Variants in RXRB observed in about 807,000 individuals in gnomAD.
RXRB encodes the protein retinoid X receptor beta, also known as retinoic acid receptor RXR-beta.
A neutral mutation model predicts 52.5 loss-of-function variants in RXRB; 18 were observed. The ratio of observed to expected loss-of-function variants is 0.34; its 90% confidence interval spans 0.24 to 0.51. The LOEUF (loss-of-function observed/expected upper bound fraction) is 0.51. RXRB is among the 20% of genes least tolerant of loss of function. The pLI is 0.97. For missense variants in RXRB, 455 were observed against 698.2 expected, an observed-to-expected ratio of 0.65 and a Z score of 3.92; for synonymous variants, 233 against 267.1, an observed-to-expected ratio of 0.87 and a Z score of 1.25.
rs761447385 is a variant in RXRB at position 33,199,164 on chromosome 6, C to G, written c.483+5G>C. Reference sequence around the variant, plus strand: ...CCAGGCAGTAAGTTGGTCACAACCTCTCACCTGGGGGCTGCTGACAGGCCC... The same window carrying G: ...CCAGGCAGTAAGTTGGTCACAACCTGTCACCTGGGGGCTGCTGACAGGCCC... On this transcript the variant is annotated splice_donor_5th_base_variant and intron_variant, in intron 2 of 9. Coordinates refer to ENST00000374680, the MANE Select transcript of RXRB (RefSeq NM_021976.5). 2 of 1,298,284 alleles carry G rather than the reference C, an allele frequency of 1.5e-6. No homozygotes were observed. The highest frequency in any genetic ancestry group is 9.8e-7 in the Non-Finnish European group (1 of 1,017,380). 80.4% of individuals were successfully genotyped at this position (1,298,284 alleles called of 1,614,324 possible). A position where few individuals can be genotyped will look rare whatever the true frequency, so the allele number is the denominator to read the frequency against.
chr6:33,195,555 C>T lies in RXRB; in HGVS notation c.1256+15G>A. The T allele has an allele frequency of 1.9e-6, 3 of 1,613,100 alleles. No individual in the cohort carries two copies. Among genetic ancestry groups the T allele is most frequent in the Non-Finnish European group, 2.5e-6 (3 of 1,180,036 alleles). The stretch of plus-strand genomic sequence containing the variant: ...CCCCTCTATCTACATGCCAGCCTAG[C>T]CGAGGGCCACTGACCGATCAAAGAT... On this transcript the variant is annotated intron_variant, in intron 7 of 9. Coordinates refer to ENST00000374680, the MANE Select transcript of RXRB (RefSeq NM_021976.5). This position sits in a 1 kb window ranked among gnomAD's most constrained non-coding sequence, Gnocchi z 8.6.
At position 33,200,291 on chromosome 6, in the gene RXRB, C is replaced by T. The variant is rs774079786; in HGVS notation, c.186G>A (p.Glu62=). 4.4e-6 allele frequency: 7 copies of T among 1,604,854 alleles called. No individual in the cohort carries two copies. The highest frequency in any genetic ancestry group is 2.2e-5 in the East Asian group (1 of 44,670). Reference sequence around the variant, plus strand: ...CCCGTCCAGCCTCCCCTGGCTCCGGCTCCGGGGTTTGTTGTTCTCCGCCTG... The same window carrying T: ...CCCGTCCAGCCTCCCCTGGCTCCGGTTCCGGGGTTTGTTGTTCTCCGCCTG... The part of the protein sequence containing the change: ...AVAGGEQQTP[E]PEPGEAGRDG... The change falls in exon 1 of 10, where the codon GAG becomes GAA. Residue 62 remains glutamate, a synonymous_variant. Transcript: ENST00000374680. This position sits in a 1 kb window ranked among gnomAD's most constrained non-coding sequence, Gnocchi z 6.3.
intron 2 of RXRB, 141 bp downstream of exon 2, chr6:33,199,020 GCAAGGGGT>G (rs1266095099): frequency 2.1e-6 from 1 of 474,894 alleles, no homozygotes; most frequent in Non-Finnish European, 3.6e-6. Flanking sequence ...CTCAGGAAAG[GCAAGGGGT>G]CTCATAAAGA....
Position 33,195,393 on chromosome 6 carries a change from A to T in RXRB, c.1318T>A (p.Cys440Ser). Residue 440 changes from cysteine (C) to serine (S), a missense_variant, in exon 8 of 10, where the codon TGC becomes AGC. This residue lies in a region of RXRB where 115 missense variants were observed against 253.1 expected (regional missense o/e 0.45). Transcript: ENST00000374680. This position sits in a 1 kb window ranked among gnomAD's most constrained non-coding sequence, Gnocchi z 8.6. ...TTAAACAGAATGATTGCCCTCAGGC[A>T]GCCAAGCTCTGTCTTGTCCATCCTC... ...DMRMDKTELGCLRAIILFNPD... is the reference protein window; with the variant it reads ...DMRMDKTELGSLRAIILFNPD... 1 of 1,612,392 alleles carries T rather than the reference A, an allele frequency of 6.2e-7. No homozygotes were observed. Among genetic ancestry groups the T allele is most frequent in the Non-Finnish European group, 8.5e-7 (1 of 1,179,376 alleles).
rs1773965503 is a variant in RXRB, at chr6:33,197,094, C to T, written c.821-488G>A. On this transcript the variant is annotated intron_variant, in intron 4 of 9. Transcript: ENST00000374680. This position sits in a 1 kb window ranked among gnomAD's most constrained non-coding sequence, Gnocchi z 4.4. ...GTCATACAACTGACTCTAAGTGTGT[C>T]TGAGTGCAAATCTTGTGCTCTTCTG... Among the ~76,000 whole-genome samples the T allele has an allele frequency of 6.6e-6, 1 of 152,170 alleles. No homozygotes were observed. Among genetic ancestry groups the T allele is most frequent in the South Asian group, 2.1e-4 (1 of 4,826 alleles).
rs1026249257 is a variant in RXRB at position 33,194,404 on chromosome 6, C to T, written c.*278G>A. On this transcript the variant is annotated 3_prime_UTR_variant, in exon 10 of 10. Coordinates refer to ENST00000374680, the MANE Select transcript of RXRB (RefSeq NM_021976.5). This position sits in a 1 kb window ranked among gnomAD's most constrained non-coding sequence, Gnocchi z 4.1. ...CCAGTGCTTTGTGCTGGGGGAAGGA[C>T]AGAGGGTGAGAAATCACCCCAAATC... 6 of 451,872 alleles carry T rather than the reference C, an allele frequency of 1.3e-5. No homozygotes were observed. The highest frequency in any genetic ancestry group is 3.9e-5 in the Admixed American group (1 of 25,924). The allele number at this position is 451,872 out of a possible 1,614,324, so 28.0% of individuals were successfully genotyped here.
chr6:33,195,153 C>T lies in RXRB; in HGVS notation c.1349-103G>A. On this transcript the variant is annotated intron_variant, in intron 8 of 9. Transcript: ENST00000374680. The surrounding 1 kb of genome is among the most constrained non-coding windows in gnomAD (Gnocchi z 8.6). ...GGATGCCCCTTTTGGGCTGCACTTG[C>T]TTGCCCTTTACCAGAGGCCTGGCAA... The T allele has an allele frequency of 1.1e-6, 1 of 915,522 alleles. No individual in the cohort carries two copies. The highest frequency in any genetic ancestry group is 1.8e-6 in the Non-Finnish European group (1 of 566,002). 56.7% of individuals were successfully genotyped at this position (915,522 alleles called of 1,614,324 possible).
At position 33,195,856 on chromosome 6, in the gene RXRB, G is replaced by A. The variant is rs1482363812; in HGVS notation, c.1123+51C>T. On this transcript the variant is annotated intron_variant, in intron 6 of 9. Transcript: ENST00000374680. This position sits in a 1 kb window ranked among gnomAD's most constrained non-coding sequence, Gnocchi z 8.6. ...CACTGGGGTCACTAAAGATCGGGAAGTCAAAGAGGGGTCAAATGTCAAGAA... is the reference window on the plus strand; with the variant it reads ...CACTGGGGTCACTAAAGATCGGGAAATCAAAGAGGGGTCAAATGTCAAGAA... The A allele has an allele frequency of 1.2e-6, 2 of 1,605,930 alleles. No homozygotes were observed. The highest frequency in any genetic ancestry group is 2.2e-5 in the East Asian group (1 of 44,850).
chr6:33,200,148 G>A lies in RXRB; in HGVS notation c.235+94C>T. ...CGCGTGTTTACAAACAAGGGGGCGG[G>A]AGCGCAAGGAAAAGAGCACCGGGGG... On this transcript the variant is annotated intron_variant, in intron 1 of 9. Transcript: ENST00000374680. The surrounding 1 kb of genome is among the most constrained non-coding windows in gnomAD (Gnocchi z 6.3). 2 of 1,504,160 alleles carry A rather than the reference G, an allele frequency of 1.3e-6. No individual in the cohort carries two copies. The highest frequency in any genetic ancestry group is 1.8e-6 in the Non-Finnish European group (2 of 1,096,386). The allele number at this position is 1,504,160 out of a possible 1,614,324, so 93.2% of individuals were successfully genotyped here.
intron 1 of RXRB, 22 bp from the exon 2 acceptor site, chr6:33,199,438 G>A: frequency 7.9e-7 from 1 of 1,262,032 alleles, no homozygotes. Context: ...GTATGTACAG[G>A]CACACAGACA....
Position 33,197,963 on chromosome 6 carries a change from A to G in RXRB, c.641-22T>C. 6.2e-7 allele frequency: 1 copy of G among 1,609,348 alleles called. No individual in the cohort carries two copies. The highest frequency in any genetic ancestry group is 8.5e-7 in the Non-Finnish European group (1 of 1,177,796). ...TTGCCTACAGGGAAAGGGGAGGAGC[A>G]ATAAGAAGGTTGCATGGAGACACCT... On this transcript the variant is annotated intron_variant, in intron 3 of 9. Coordinates refer to ENST00000374680, the MANE Select transcript of RXRB (RefSeq NM_021976.5). This position sits in a 1 kb window ranked among gnomAD's most constrained non-coding sequence, Gnocchi z 4.4.
chr6:33,195,869 C>A lies in RXRB; in HGVS notation c.1123+38G>T. ...AAAGATCGGGAAGTCAAAGAGGGGT[C>A]AAATGTCAAGAAGTCAAAGGGATCC... On this transcript the variant is annotated intron_variant, in intron 6 of 9. Transcript: ENST00000374680. The surrounding 1 kb of genome is among the most constrained non-coding windows in gnomAD (Gnocchi z 8.6). 1 of 1,610,840 alleles carries A rather than the reference C, an allele frequency of 6.2e-7. No individual in the cohort carries two copies. The highest frequency in any genetic ancestry group is 8.5e-7 in the Non-Finnish European group (1 of 1,179,432).
chr6:33,196,073 G>A lies in RXRB; in HGVS notation c.994-37C>T, dbSNP rs1773870575. The A allele has an allele frequency of 1.9e-6, 3 of 1,611,684 alleles. No homozygotes were observed. The East Asian group carries it at 6.7e-5, about 36-fold the overall frequency. On this transcript the variant is annotated intron_variant, in intron 5 of 9. Transcript: ENST00000374680. This position sits in a 1 kb window ranked among gnomAD's most constrained non-coding sequence, Gnocchi z 4.0. ...GGGGGTAAGAGTTATGGAAGATTTTGAGATATGCTGGGAGCCCCCTTGTAA... is the reference window on the plus strand; with the variant it reads ...GGGGGTAAGAGTTATGGAAGATTTTAAGATATGCTGGGAGCCCCCTTGTAA...
Position 33,200,058 on chromosome 6 carries a change from C to A in RXRB, c.235+184G>T. ...CCTCAAGCGGTCACAGCTAGGAGGG[C>A]GGAAGCTCCCCTTCCCCGCCCCGCC... On this transcript the variant is annotated intron_variant, in intron 1 of 9. Coordinates refer to ENST00000374680, the MANE Select transcript of RXRB (RefSeq NM_021976.5). This position sits in a 1 kb window ranked among gnomAD's most constrained non-coding sequence, Gnocchi z 6.3. 1 of 918,062 alleles carries A rather than the reference C, an allele frequency of 1.1e-6. No homozygotes were observed. The highest frequency in any genetic ancestry group is 1.8e-6 in the Non-Finnish European group (1 of 558,452). The allele number at this position is 918,062 out of a possible 1,614,324, so 56.9% of individuals were successfully genotyped here.
rs962243556 is a variant in RXRB at position 33,197,618 on chromosome 6, G to A, written c.820+144C>T. On this transcript the variant is annotated intron_variant, in intron 4 of 9. Coordinates refer to ENST00000374680, the MANE Select transcript of RXRB (RefSeq NM_021976.5). This position sits in a 1 kb window ranked among gnomAD's most constrained non-coding sequence, Gnocchi z 4.4. The stretch of plus-strand genomic sequence containing the variant: ...AAGGGCCAGAACAGGGTAACAGGGA[G>A]GAGAGCTGCGAAGGGAGAGAGAAAT... The A allele has an allele frequency of 4.0e-6, 3 of 754,334 alleles. No homozygotes were observed. Among genetic ancestry groups the A allele is most frequent in the African/African-American group, 1.8e-5 (1 of 56,726 alleles). 46.7% of individuals were successfully genotyped at this position (754,334 alleles called of 1,614,324 possible).
Position 33,199,149 on chromosome 6 carries a change from A to T in RXRB, c.483+20T>A. On this transcript the variant is annotated intron_variant, in intron 2 of 9. Coordinates refer to ENST00000374680, the MANE Select transcript of RXRB (RefSeq NM_021976.5). The stretch of plus-strand genomic sequence containing the variant: ...AGAAAATGAAAGTGGCCAGGCAGTA[A>T]GTTGGTCACAACCTCTCACCTGGGG... 7.7e-7 allele frequency: 1 copy of T among 1,295,328 alleles called. No individual in the cohort carries two copies. Among genetic ancestry groups the T allele is most frequent in the Non-Finnish European group, 9.8e-7 (1 of 1,015,670 alleles). The allele number at this position is 1,295,328 out of a possible 1,614,324, so 80.2% of individuals were successfully genotyped here. A position where few individuals can be genotyped will look rare whatever the true frequency, so the allele number is the denominator to read the frequency against.
intron 3 of RXRB, 21 bp downstream of exon 3, chr6:33,198,287 T>C (rs1774081326): frequency 6.2e-7 from 1 of 1,612,838 alleles, no homozygotes; most frequent in African/African-American, 1.3e-5. Context: ...TCCCTCTCTG[T>C]TCATCCTCTG....
Position 33,195,699 on chromosome 6 carries a change from C to T in RXRB, c.1127G>A (p.Trp376Ter). 6.2e-7 allele frequency: 1 copy of T among 1,612,004 alleles called. No homozygotes were observed. Among genetic ancestry groups the T allele is most frequent in the South Asian group, 1.1e-5 (1 of 91,024 alleles). ...DDQVILLRAG[W>*]NELLIASFSH... ...GAAGGAGGCAATGAGGAGTTCATTC[C>T]AGCCTGGGTGGGGCAGCAAGGGTCA... The change falls in exon 7 of 10, where the codon TGG (tryptophan) becomes TAG (stop). Residue 376 changes from tryptophan (W) to a stop codon, truncating the protein, a stop_gained. Coordinates refer to ENST00000374680, the MANE Select transcript of RXRB (RefSeq NM_021976.5). LOFTEE classifies it high-confidence loss of function. This position sits in a 1 kb window ranked among gnomAD's most constrained non-coding sequence, Gnocchi z 8.6.
intron 3 of RXRB, 80 bp downstream of exon 3, chr6:33,198,228 C>T (rs1774074059): frequency 2.5e-6 from 4 of 1,602,612 alleles, no homozygotes; most frequent in Non-Finnish European, 3.4e-6. Flanking sequence ...TCTGACCAAA[C>T]TCCATAAGCC....
Sources: allele counts gnomAD v4.1 joint callset (sites outside exome capture counted in the v4.1 genomes callset), GRCh38; gene constraint gnomAD v4.1.1; regional missense constraint gnomAD v4.1.1; non-coding constraint Gnocchi (gnomAD v3.1); transcripts MANE v1.5; gene names NCBI Gene and HGNC (gene_info 2026-07-23, HGNC 2026-07-21).